Variants in ECE1 observed in about 807,000 individuals in gnomAD.
ECE1 encodes endothelin-converting enzyme 1.
Under a neutral mutation model 98.6 loss-of-function variants are expected in ECE1, and 35 were observed. The ratio of observed to expected loss-of-function variants is 0.35; its 90% CI spans 0.27 to 0.47. The LOEUF is 0.47. ECE1 is among the 20% of genes least tolerant of loss of function. ECE1 has a pLI of 1.00. For synonymous variants in ECE1, 394 were observed against 407.1 expected, an observed-to-expected ratio of 0.97 and a Z score of 0.39; for missense variants, 814 against 1,025.3, an observed-to-expected ratio of 0.79 and a Z score of 2.81.
upstream of ECE1, among the ~76,000 whole-genome samples, chr1:21,291,022 G>C (rs1039676950): frequency 6.6e-6 from 1 of 152,000 alleles, no homozygotes; most frequent in South Asian, 2.1e-4. Flanking sequence ...GTGCTCAAAG[G>C]TGTCGCCCTC....
rs28367927 is a variant in ECE1 at position 21,287,695 on chromosome 1, T to C, written c.138+2375A>G. On this transcript the variant is annotated intron_variant, in intron 2 of 18. Coordinates refer to ENST00000374893, the MANE Select transcript of ECE1 (RefSeq NM_001397.3). ...ATTGAATAAATATATTTTTATATGT[T>C]GGTACCATGAGGTGTTATGATTTTT... is the stretch of plus-strand genomic sequence containing the variant. Among the ~76,000 whole-genome samples, 974 of 152,342 alleles carry C rather than the reference T, an allele frequency of 6.4e-3. 16 individuals are homozygous for C. Among genetic ancestry groups the C allele is most frequent in the African/African-American group, 0.022 (914 of 41,560 alleles).
Position 21,290,295 on chromosome 1 carries a change from G to A in ECE1, c.51+69C>T. Reference sequence around the variant, plus strand: ...ACACCCGAGACCGAGACCGGCCCACGGAGCGGCCCGCGCGGGGAGGGGTCC... The same window carrying A: ...ACACCCGAGACCGAGACCGGCCCACAGAGCGGCCCGCGCGGGGAGGGGTCC... On this transcript the variant is annotated intron_variant, in intron 1 of 18. Coordinates refer to ENST00000374893, the MANE Select transcript of ECE1 (RefSeq NM_001397.3). This position sits in a 1 kb window ranked among gnomAD's most constrained non-coding sequence, Gnocchi z 7.3. 8.0e-7 allele frequency: 1 copy of A among 1,248,126 alleles called. No individual in the cohort carries two copies. The allele number at this position is 1,248,126 out of a possible 1,614,324, so 77.3% of individuals were successfully genotyped here.
At chr1:21,314,706 A>G (rs1355864778) in intron 1 of ECE1, among the ~76,000 whole-genome samples, 1 of 152,232 alleles carries the variant, frequency 6.6e-6, no homozygotes, top group Non-Finnish European at 1.5e-5. Flanking sequence ...ACGTGTTCCT[A>G]AGACCCCAAC....
chr1:21,219,864 C>G lies in ECE1; in HGVS notation c.*91G>C. ...TGTGAGGAAGCAGGGCCCCGGGTGG[C>G]CAAGCGGGCTGAGCAATGCCCTGGA... On this transcript the variant is annotated 3_prime_UTR_variant, in exon 19 of 19. Coordinates refer to ENST00000374893, the MANE Select transcript of ECE1 (RefSeq NM_001397.3). This position sits in a 1 kb window ranked among gnomAD's most constrained non-coding sequence, Gnocchi z 4.5. The G allele has an allele frequency of 6.4e-7, 1 of 1,557,762 alleles. No individual in the cohort carries two copies.
In ECE1 at chr1:21,327,731, G is replaced by A. The variant is rs1639110618; in HGVS notation, c.3+17645C>T. Reference sequence around the variant, plus strand: ...TCCAGCTACACAGCTGGGGTCCCCAGCCCCCCGGGCCTCAGACCAGTACCA... The same window carrying A: ...TCCAGCTACACAGCTGGGGTCCCCAACCCCCCGGGCCTCAGACCAGTACCA... On this transcript the variant is annotated intron_variant, in intron 1 of 18. Coordinates refer to the ECE1 transcript ENST00000415912. This position sits in a 1 kb window ranked among gnomAD's most constrained non-coding sequence, Gnocchi z 4.6. Among the ~76,000 whole-genome samples, 2 of 152,130 alleles carry A rather than the reference G, an allele frequency of 1.3e-5. No homozygotes were observed. The highest frequency in any genetic ancestry group is 2.1e-4 in the South Asian group (1 of 4,832).
chr1:21,336,705 T>C (rs1308696650), intron 1 of ECE1, among the ~76,000 whole-genome samples: 1 of 152,114 alleles, frequency 6.6e-6, no homozygotes, highest in Non-Finnish European at 1.5e-5. Context: ...TAGCCAAGCG[T>C]GGTGGCGGGC....
At chr1:21,328,619 C>T (rs943200558) in intron 1 of ECE1, among the ~76,000 whole-genome samples, 2 of 152,080 alleles carry the variant, frequency 1.3e-5, no homozygotes, top group African/African-American at 4.8e-5. Flanking sequence ...AAAAATTAGC[C>T]AGGCATGGTG....
chr1:21,221,355 A>G (rs755423454), intron 18 of ECE1, among the ~76,000 whole-genome samples: 8 of 152,158 alleles, frequency 5.3e-5, no homozygotes, highest in South Asian at 2.1e-4. Flanking sequence ...ATTTTTTCAT[A>G]GAGACAGGGT....
At position 21,272,910 on chromosome 1, in the gene ECE1, T is replaced by A. The variant is rs140520259; in HGVS notation, c.282A>T (p.Arg94Ser). 6.2e-7 allele frequency: 1 copy of A among 1,613,994 alleles called. No individual in the cohort carries two copies. Among genetic ancestry groups the A allele is most frequent in the Non-Finnish European group, 8.5e-7 (1 of 1,179,940 alleles). ...CTTCGCTCAGGCACACAGAGGGGGA[T>A]CCTGGAAGGGTTAAGGACAAGAGGC... ...LAALGIQYQT[R>S]SPSVCLSEAC... Residue 94 changes from arginine to serine, a missense_variant and splice_region_variant, in exon 4 of 19, where the codon AGA (arginine) becomes AGT (serine). Arg to Ser is a moderately radical substitution (Grantham distance 110, BLOSUM62 -1). Transcript: ENST00000374893.
rs1189945669 is a variant in ECE1 at position 21,235,448 on chromosome 1, A to AGGTGGTGTGGGG, written c.1566+390_1566+401dup. ...CTGGAAGCACGACCAGGGAGGGAGG[A>AGGTGGTGTGGGG]GGTGGTGTGGGGGTTTTCCCACTTC... On this transcript the variant is annotated intron_variant, in intron 13 of 18. Coordinates refer to ENST00000374893, the MANE Select transcript of ECE1 (RefSeq NM_001397.3). The surrounding 1 kb of genome is among the most constrained non-coding windows in gnomAD (Gnocchi z 4.2). Among the ~76,000 whole-genome samples, 310 of 152,250 alleles carry AGGTGGTGTGGGG rather than the reference A, an allele frequency of 2.0e-3. 2 individuals carry two copies. Among genetic ancestry groups the AGGTGGTGTGGGG allele is most frequent in the African/African-American group, 7.2e-3 (298 of 41,550 alleles).
intron 4 of ECE1, 136 bp downstream of exon 4, chr1:21,272,559 TGGGA>T: frequency 1.3e-5 from 13 of 1,033,766 alleles, no homozygotes; most frequent in Non-Finnish European, 1.8e-5. Flanking sequence ...CTCAAAGTGC[TGGGA>T]TTACAGGTGT....
At chr1:21,273,287 T>C (rs943232040) in intron 3 of ECE1, among the ~76,000 whole-genome samples, 3 of 152,044 alleles carry the variant, frequency 2.0e-5, no homozygotes, top group Non-Finnish European at 4.4e-5. Flanking sequence ...CTGCTGAGTA[T>C]GGAGTGCGTG....
chr1:21,297,745 C>G (rs1638397574), intron 1 of ECE1, among the ~76,000 whole-genome samples: 1 of 151,824 alleles, frequency 6.6e-6, no homozygotes, highest in Non-Finnish European at 1.5e-5. Context: ...CCACGTTGGC[C>G]AGGCTGGTCT....
intron 3 of ECE1, among the ~76,000 whole-genome samples, chr1:21,273,334 C>CGTGCTTGT (rs2098242554): frequency 1.6e-5 from 2 of 123,940 alleles, no homozygotes; most frequent in African/African-American, 6.7e-5. Context: ...AGTGTGTGCC[C>CGTGCTTGT]GTGCGTGTGT....
intron 2 of ECE1, among the ~76,000 whole-genome samples, chr1:21,289,790 G>C (rs2098264434): frequency 6.6e-6 from 1 of 152,108 alleles, no homozygotes; most frequent in Admixed American, 6.5e-5. Flanking sequence ...GGGTCTCGGG[G>C]GTGCTTTCAA....
intron 10 of ECE1, among the ~76,000 whole-genome samples, chr1:21,243,227 G>A (rs2098198756): frequency 6.6e-6 from 1 of 152,164 alleles, no homozygotes; most frequent in Non-Finnish European, 1.5e-5. Flanking sequence ...AACAGCGGTA[G>A]TAGGAATTCA....
At chr1:21,265,326 G>A (rs528677611) in intron 4 of ECE1, among the ~76,000 whole-genome samples, 123 of 152,300 alleles carry the variant, frequency 8.1e-4, no homozygotes, top group Non-Finnish European at 1.5e-3. Context: ...GAGGTCAGGA[G>A]TTTGAGACCA....
upstream of ECE1, chr1:21,294,089 C>T (rs944111653): frequency 6.5e-6 from 1 of 152,684 alleles, no homozygotes; most frequent in Non-Finnish European, 1.5e-5. The surrounding 1 kb of genome is among the most constrained non-coding windows in gnomAD (Gnocchi z 4.2). Context: ...CCCACTGACT[C>T]CATTACGCTG....
At chr1:21,320,589 T>A (rs1638942856) in intron 1 of ECE1, among the ~76,000 whole-genome samples, 1 of 152,226 alleles carries the variant, frequency 6.6e-6, no homozygotes, top group African/African-American at 2.4e-5. Context: ...TGGTATGCCA[T>A]CATCCTTCAT....
Sources: allele counts gnomAD v4.1 joint callset (sites outside exome capture counted in the v4.1 genomes callset), GRCh38; gene constraint gnomAD v4.1.1; non-coding constraint Gnocchi (gnomAD v3.1); transcripts MANE v1.5; gene names NCBI Gene and HGNC (gene_info 2026-07-23, HGNC 2026-07-21).